The following CHST9 variants were observed in gnomAD, a reference collection of about 807,000 sequenced individuals.
CHST9 encodes the protein carbohydrate sulfotransferase 9, also known as GalNAc-4-sulfotransferase 2.
CHST9 carries 41 observed loss-of-function variants against 44.4 expected under a neutral mutation model. The observed-to-expected ratio is 0.92, with a 90% confidence interval of 0.72 to 1.20. The LOEUF is 1.20. Ranked by LOEUF, CHST9 falls within the 50% of genes most tolerant of loss-of-function variation. The pLI, the probability that CHST9 is intolerant of heterozygous loss-of-function variation, is 0.00. For missense variants in CHST9, 504 were observed against 516.5 expected, an observed-to-expected ratio of 0.98 and a Z score of 0.23; for synonymous variants, 171 against 178.4, an observed-to-expected ratio of 0.96 and a Z score of 0.33.
chr18:27,081,143 G>C (rs2057956872), intron 2 of CHST9, among the ~76,000 whole-genome samples: 1 of 152,114 alleles, frequency 6.6e-6, no homozygotes, highest in African/African-American at 2.4e-5. Context: ...TTCCAGCCTA[G>C]CCAACACAAC....
chr18:27,158,907 T>C (rs567173399), intron 1 of CHST9, among the ~76,000 whole-genome samples: 1 of 152,400 alleles, frequency 6.6e-6, no homozygotes, highest in South Asian at 2.1e-4. Flanking sequence ...TGTCTTCTTT[T>C]GAGAAGTGTC....
At chr18:27,059,794 T>C (rs1222075608) in intron 2 of CHST9, among the ~76,000 whole-genome samples, 1 of 152,228 alleles carries the variant, frequency 6.6e-6, no homozygotes, top group East Asian at 1.9e-4. Flanking sequence ...TTTTTCCTTT[T>C]TTATCTTGAA....
intron 4 of CHST9, among the ~76,000 whole-genome samples, chr18:26,962,032 G>A (rs1438944952): frequency 6.6e-6 from 1 of 152,154 alleles, no homozygotes; most frequent in Admixed American, 6.5e-5. Context: ...GTTGCCATAG[G>A]AATAAGGCAA....
chr18:27,053,275 AGAAGG>A lies in CHST9; in HGVS notation c.122-4777_122-4773del, dbSNP rs1568151293. Among the ~76,000 whole-genome samples the A allele has an allele frequency of 1.2e-3, 147 of 125,718 alleles. 4 individuals carry two copies. Among genetic ancestry groups the A allele is most frequent in the African/African-American group, 4.0e-3 (129 of 32,352 alleles). The allele number at this position is 125,718 out of a possible 152,430, so 82.5% of individuals were successfully genotyped here. A position where few individuals can be genotyped will look rare whatever the true frequency, so the allele number is the denominator to read the frequency against. ...AAGAAGAAGAAGGAGAAGGAGAAGG[AGAAGG>A]AGAAGGAGAAGGAGAAGGAGAAGGA... On this transcript the variant is annotated intron_variant, in intron 2 of 5. Coordinates refer to ENST00000618847, the MANE Select transcript of CHST9 (RefSeq NM_031422.6).
At chr18:27,167,287 G>A (rs774834707) in intron 1 of CHST9, among the ~76,000 whole-genome samples, 4 of 152,112 alleles carry the variant, frequency 2.6e-5, no homozygotes, top group South Asian at 4.1e-4. Flanking sequence ...AAACTCTTAC[G>A]TCTGCCTTTC....
At chr18:27,144,724 A>C (rs2058597711) in intron 1 of CHST9, among the ~76,000 whole-genome samples, 1 of 152,092 alleles carries the variant, frequency 6.6e-6, no homozygotes, top group Non-Finnish European at 1.5e-5. Context: ...AAAAACAAAA[A>C]CAAAAAAACT....
At position 27,037,570 on chromosome 18, in the gene CHST9, T is replaced by C. The variant is rs181553984; in HGVS notation, c.160+10895A>G. Among the ~76,000 whole-genome samples, 360 of 152,258 alleles carry C rather than the reference T, an allele frequency of 2.4e-3. 1 individual carries two copies. The highest frequency in any genetic ancestry group is 3.4e-3 in the Middle Eastern group (1 of 294). On this transcript the variant is annotated intron_variant, in intron 3 of 5. Coordinates refer to ENST00000618847, the MANE Select transcript of CHST9 (RefSeq NM_031422.6). The stretch of plus-strand genomic sequence containing the variant: ...AGCTGGATGTGGTGGCACACGCTTG[T>C]GTGTCCTTGCTACTCAGGAGGCTGA...
chr18:27,068,435 T>A (rs2057804920), intron 2 of CHST9, among the ~76,000 whole-genome samples: 1 of 152,090 alleles, frequency 6.6e-6, no homozygotes, highest in African/African-American at 2.4e-5. Context: ...TTATGTGTGC[T>A]GATCTCCCTT....
chr18:27,047,383 C>A (rs2057513834), intron 3 of CHST9, among the ~76,000 whole-genome samples: 1 of 92,158 alleles, frequency 1.1e-5, no homozygotes, highest in African/African-American at 5.1e-5. Flanking sequence ...TTCTTGCCTT[C>A]ATAATTGTGT....
At chr18:27,098,840 AC>A (rs1167701901) in intron 2 of CHST9, among the ~76,000 whole-genome samples, 1 of 151,768 alleles carries the variant, frequency 6.6e-6, no homozygotes, top group African/African-American at 2.4e-5. Context: ...AAAAAAAAAA[AC>A]AAACCTATCC....
chr18:27,024,310 A>G (rs1247991750), intron 3 of CHST9, among the ~76,000 whole-genome samples, 153 bp from the exon 4 acceptor site: 1 of 152,234 alleles, frequency 6.6e-6, no homozygotes, highest in Non-Finnish European at 1.5e-5. Flanking sequence ...AAAATGTGTC[A>G]TCCCCTGTGT....
rs567427520 is a variant in CHST9 at position 26,939,103 on chromosome 18, T to C, written c.240+5226A>G. ...CTCTTCCCTTTAGGGCAATACTAGG[T>C]AGTTTCAAAAATCATGTTGGGATAT... On this transcript the variant is annotated intron_variant, in intron 5 of 5. Transcript: ENST00000618847. Among the ~76,000 whole-genome samples the C allele has an allele frequency of 2.0e-4, 31 of 152,310 alleles. 1 individual carries two copies. In the South Asian group the frequency reaches 6.4e-3, roughly 32 times the overall value.
chr18:26,924,490 G>T (rs2055725510), intron 5 of CHST9: 1 of 296,196 alleles, frequency 3.4e-6, no homozygotes, highest in South Asian at 1.3e-4. Flanking sequence ...GGTGCAGCTG[G>T]ATTCATGGGC....
chr18:27,164,738 C>T (rs1379535464), intron 1 of CHST9, among the ~76,000 whole-genome samples: 1 of 152,124 alleles, frequency 6.6e-6, no homozygotes, highest in East Asian at 1.9e-4. Context: ...AAACAGATCA[C>T]ATGAGGAGGA....
intron 3 of CHST9, among the ~76,000 whole-genome samples, chr18:27,045,807 A>G (rs1001648205): frequency 6.6e-6 from 1 of 152,066 alleles, no homozygotes; most frequent in Non-Finnish European, 1.5e-5. Context: ...ACATGAATCA[A>G]TAGCCCGGAC....
chr18:26,970,025 A>G (rs2056521667), intron 4 of CHST9, among the ~76,000 whole-genome samples: 1 of 152,174 alleles, frequency 6.6e-6, no homozygotes, highest in African/African-American at 2.4e-5. Flanking sequence ...TGGTAGGTCC[A>G]GAGCACCTTC....
chr18:27,018,754 TC>T (rs1184652750), intron 4 of CHST9, among the ~76,000 whole-genome samples: 14 of 152,322 alleles, frequency 9.2e-5, no homozygotes, highest in Admixed American at 7.2e-4. Flanking sequence ...AACTATCCTT[TC>T]CTACCAACTT....
At position 26,917,333 on chromosome 18, in the gene CHST9, C is replaced by T; in HGVS notation, c.258G>A (p.Met86Ile). 3 of 1,610,570 alleles carry T rather than the reference C, an allele frequency of 1.9e-6. No individual in the cohort carries two copies. Among genetic ancestry groups the T allele is most frequent in the Non-Finnish European group, 2.5e-6 (3 of 1,178,728 alleles). The change falls in exon 6 of 6, where the codon ATG (methionine) becomes ATA (isoleucine). Residue 86 changes from methionine (M) to isoleucine (I), a missense_variant. Physicochemically the swap from Met to Ile is conservative, Grantham distance 10 (BLOSUM62 1). Transcript: ENST00000618847. The part of the protein sequence containing the change: ...HITNQNPKFH[M>I]PEDVREKKEN... ...CCTTTTTTTCTCGTACATCCTCAGG[C>T]ATGTGAAACTTGGGGTTCTGTTAAA...
At chr18:26,937,426 A>G (rs1011999444) in intron 5 of CHST9, among the ~76,000 whole-genome samples, 3 of 152,164 alleles carry the variant, frequency 2.0e-5, no homozygotes, top group Admixed American at 6.5e-5. Flanking sequence ...GGTGGTCATA[A>G]GTGAGATCAT....
Sources: allele counts gnomAD v4.1 joint callset (sites outside exome capture counted in the v4.1 genomes callset), GRCh38; gene constraint gnomAD v4.1.1; transcripts MANE v1.5; gene names NCBI Gene and HGNC (gene_info 2026-07-23, HGNC 2026-07-21).